RASA1: variants seen among roughly 807,000 people sequenced by gnomAD.
RASA1 encodes the protein RAS p21 protein activator 1.
Under a neutral mutation model 132.2 loss-of-function variants are expected in RASA1, and 25 were observed. The ratio of observed to expected loss-of-function variants is 0.19; its 90% CI spans 0.14 to 0.26. The LOEUF (loss-of-function observed/expected upper bound fraction) is 0.26. RASA1 is among the 10% of genes least tolerant of loss of function. RASA1 has a pLI of 1.00. For missense variants in RASA1, 964 were observed against 1,299.2 expected, an observed-to-expected ratio of 0.74 and a Z score of 3.97; for synonymous variants, 477 against 449.9, an observed-to-expected ratio of 1.06 and a Z score of -0.76.
At chr5:87,308,172 G>A (rs1350659532) in intron 1 of RASA1, among the ~76,000 whole-genome samples, 1 of 151,804 alleles carries the variant, frequency 6.6e-6, no homozygotes, top group Admixed American at 6.6e-5. Flanking sequence ...TGAAAGTTCT[G>A]CTGGATTGTT....
Position 87,326,834 on chromosome 5 carries a change from T to G in RASA1, c.540-4514T>G, listed in dbSNP as rs940640998. On this transcript the variant is annotated intron_variant, in intron 1 of 24. Transcript: ENST00000274376. ...GCTCTATAATGTTCAAAAAGAGTTT[T>G]GAGAAAATTTCCTCCTAAAATTAAT... Among the ~76,000 whole-genome samples, 4 of 152,204 alleles carry G rather than the reference T, an allele frequency of 2.6e-5. No homozygotes were observed. The East Asian group carries it at 7.7e-4, about 29-fold the overall frequency.
Position 87,305,900 on chromosome 5 carries a change from A to G in RASA1, c.540-25448A>G, listed in dbSNP as rs182268530. 4.8e-3 allele frequency among the ~76,000 whole-genome samples: 727 copies of G among 152,384 alleles called. 25 individuals carry two copies. The highest frequency in any genetic ancestry group is 0.044 in the Admixed American group (668 of 15,310). On this transcript the variant is annotated intron_variant, in intron 1 of 24. Coordinates refer to ENST00000274376, the MANE Select transcript of RASA1 (RefSeq NM_002890.3). ...ATAAAGCTCAACATCACTGATCATT[A>G]GAGAGATGTAAATCAAAGCCACAAT...
At chr5:87,365,407 T>A (rs1229522348) in intron 11 of RASA1, among the ~76,000 whole-genome samples, 2 of 152,148 alleles carry the variant, frequency 1.3e-5, no homozygotes, top group East Asian at 3.9e-4. Context: ...TCTTGTTCAA[T>A]CATCCAGGTA....
chr5:87,288,575 C>G (rs1407758907), intron 1 of RASA1, among the ~76,000 whole-genome samples: 1 of 152,022 alleles, frequency 6.6e-6, no homozygotes, highest in African/African-American at 2.4e-5. Context: ...AAAATGGAGC[C>G]TTATTAAGGG....
intron 1 of RASA1, among the ~76,000 whole-genome samples, chr5:87,320,892 A>G (rs1433936236): frequency 6.6e-6 from 1 of 152,276 alleles, no homozygotes; most frequent in Admixed American, 6.5e-5. Flanking sequence ...GTAGAGTTAC[A>G]CATAGTCTGA....
chr5:87,302,599 TACTGTATAGTATAGTATACTATACTAA>T lies in RASA1; in HGVS notation c.540-28747_540-28721del, dbSNP rs944955982. The stretch of plus-strand genomic sequence containing the variant: ...GTATTCTATATACTATAGTATACTA[TACTGTATAGTATAGTATACTATACTAA>T]AGCATAGTATTCTAAGTGTTCAACG... On this transcript the variant is annotated intron_variant, in intron 1 of 24. Coordinates refer to ENST00000274376, the MANE Select transcript of RASA1 (RefSeq NM_002890.3). 3.3e-5 allele frequency among the ~76,000 whole-genome samples: 5 copies of T among 151,528 alleles called. No homozygotes were observed. In the South Asian group the frequency reaches 1.0e-3, roughly 31 times the overall value.
chr5:87,337,259 A>G (rs1396062091), intron 4 of RASA1, among the ~76,000 whole-genome samples: 1 of 152,044 alleles, frequency 6.6e-6, no homozygotes, highest in Non-Finnish European at 1.5e-5. Flanking sequence ...GGAGGTTGAA[A>G]ACATCTAGGT....
chr5:87,350,195 C>T (rs1295989609), intron 8 of RASA1, among the ~76,000 whole-genome samples: 2 of 151,760 alleles, frequency 1.3e-5, no homozygotes, highest in Non-Finnish European at 3.0e-5. Flanking sequence ...CTTCTAGTTG[C>T]TTGCTGGAAG....
chr5:87,353,229 A>C lies in RASA1; in HGVS notation c.1326A>C (p.Pro442=). ...GATATTATCTTAAGGAACCTGTACC[A>C]ATGCAGGTCAGTGTTGCATTTCTTA... ...VEGYYLKEPV[P]MQDQEQVLND... Residue 442 remains proline, a synonymous_variant, in exon 9 of 25, where the codon CCA becomes CCC. Coordinates refer to ENST00000274376, the MANE Select transcript of RASA1 (RefSeq NM_002890.3). The C allele has an allele frequency of 6.2e-7, 1 of 1,601,914 alleles. No individual in the cohort carries two copies. Among genetic ancestry groups the C allele is most frequent in the South Asian group, 1.1e-5 (1 of 90,814 alleles).
chr5:87,304,969 C>T (rs1456692062), intron 1 of RASA1, among the ~76,000 whole-genome samples: 3 of 73,150 alleles, frequency 4.1e-5, no homozygotes, highest in South Asian at 8.7e-4. Flanking sequence ...TTTTGGTAAA[C>T]GTCAGTTGTC....
intron 11 of RASA1, among the ~76,000 whole-genome samples, chr5:87,368,959 T>A (rs1760728878): frequency 6.6e-6 from 1 of 152,198 alleles, no homozygotes; most frequent in African/African-American, 2.4e-5. Context: ...ACATTTAGGA[T>A]TAGAAGTTTC....
At chr5:87,287,387 TATATATACC>T (rs1754664760) in intron 1 of RASA1, among the ~76,000 whole-genome samples, 1 of 146,196 alleles carries the variant, frequency 6.8e-6, no homozygotes. Flanking sequence ...ACACACACCA[TATATATACC>T]ATATATACAC....
At chr5:87,302,805 C>A (rs1397963236) in intron 1 of RASA1, among the ~76,000 whole-genome samples, 1 of 151,554 alleles carries the variant, frequency 6.6e-6, no homozygotes, top group African/African-American at 2.4e-5. Flanking sequence ...TCTCACATCC[C>A]AGATTATTTC....
intron 21 of RASA1, 41 bp from the exon 22 acceptor site, chr5:87,385,260 G>A: frequency 7.9e-7 from 1 of 1,272,962 alleles, no homozygotes; most frequent in Non-Finnish European, 1.1e-6. Context: ...TGGAAGTGCT[G>A]TTGGACTTGG....
rs1491365794 is a variant in RASA1, at chr5:87,338,533, A to ATATATATATATATAT, written c.1017+442_1017+443insTATATATATATATAT. 3.6e-3 allele frequency among the ~76,000 whole-genome samples: 327 copies of ATATATATATATATAT among 91,110 alleles called. 5 individuals are homozygous for ATATATATATATATAT. Among genetic ancestry groups the ATATATATATATATAT allele is most frequent in the East Asian group, 5.6e-3 (13 of 2,316 alleles). 59.8% of individuals were successfully genotyped at this position (91,110 alleles called of 152,430 possible). On this transcript the variant is annotated intron_variant, in intron 5 of 24. Coordinates refer to ENST00000274376, the MANE Select transcript of RASA1 (RefSeq NM_002890.3). ...TATATATATATATATATATATATAT[A>ATATATATATATATAT]AAATTTTTTTTTTTTTTAAGTAGAA...
intron 4 of RASA1, 142 bp from the exon 5 acceptor site, chr5:87,337,832 G>T: frequency 1.2e-6 from 1 of 820,968 alleles, no homozygotes; most frequent in Non-Finnish European, 1.7e-6. Flanking sequence ...CCAGAAATAG[G>T]ATACAAATTT....
intron 24 of RASA1, among the ~76,000 whole-genome samples, 183 bp from the exon 25 acceptor site, chr5:87,390,617 C>G (rs1057100639): frequency 6.6e-6 from 1 of 152,112 alleles, no homozygotes; most frequent in African/African-American, 2.4e-5. Flanking sequence ...TAAAAATTCT[C>G]TTAGTTATGA....
chr5:87,390,997 T>C lies in RASA1; in HGVS notation c.*114T>C. The stretch of plus-strand genomic sequence containing the variant: ...AATAGCACACTTTTCCACATTCCAG[T>C]GATGTGTGAGCTATGCAAACAAAAT... On this transcript the variant is annotated 3_prime_UTR_variant, in exon 25 of 25. Coordinates refer to ENST00000274376, the MANE Select transcript of RASA1 (RefSeq NM_002890.3). 2.8e-6 allele frequency: 3 copies of C among 1,058,328 alleles called. No individual in the cohort carries two copies. The allele number at this position is 1,058,328 out of a possible 1,614,324, so 65.6% of individuals were successfully genotyped here. A position where few individuals can be genotyped will look rare whatever the true frequency, so the allele number is the denominator to read the frequency against.
intron 17 of RASA1, among the ~76,000 whole-genome samples, chr5:87,377,736 A>G (rs1168393616): frequency 6.6e-6 from 1 of 152,118 alleles, no homozygotes; most frequent in African/African-American, 2.4e-5. Context: ...ATGGCTTACA[A>G]AATAATCCAC....
Sources: gnomAD v4.1 joint callset for allele counts (sites outside exome capture counted in the v4.1 genomes callset) on GRCh38, gnomAD v4.1.1 for gene constraint, MANE v1.5 for transcripts, NCBI Gene and HGNC (gene_info 2026-07-23, HGNC 2026-07-21) for gene names.